TTC8: variants seen among roughly 807,000 people sequenced by gnomAD.
TTC8 encodes tetratricopeptide repeat protein 8.
TTC8 carries 47 observed loss-of-function variants against 72.5 expected under a neutral mutation model. The ratio of observed to expected loss-of-function variants is 0.65; its 90% CI spans 0.51 to 0.83. TTC8 has a LOEUF of 0.83. Among genes scored for constraint, TTC8 ranks in the 40% least tolerant of loss-of-function variants. TTC8 has a pLI of 0.00. For synonymous variants in TTC8, 199 were observed against 221.4 expected, an observed-to-expected ratio of 0.90 and a Z score of 0.90; for missense variants, 611 against 623.2, an observed-to-expected ratio of 0.98 and a Z score of 0.21.
In TTC8 at chr14:88,871,812, G is replaced by A; in HGVS notation, c.1224+89G>A. ...CATGCCTATAATTCCAGCATTTTGG[G>A]AGGCTGAAGCAGGAGGATTGCTTGA... On this transcript the variant is annotated intron_variant, in intron 12 of 14. Transcript: ENST00000380656. The surrounding 1 kb of genome is among the most constrained non-coding windows in gnomAD (Gnocchi z 4.1). 4.8e-6 allele frequency: 7 copies of A among 1,467,600 alleles called. No individual in the cohort carries two copies. Among genetic ancestry groups the A allele is most frequent in the Admixed American group, 1.7e-5 (1 of 59,720 alleles). The allele number at this position is 1,467,600 out of a possible 1,614,324, so 90.9% of individuals were successfully genotyped here.
intron 2 of TTC8, among the ~76,000 whole-genome samples, chr14:88,838,587 A>G (rs922508484): frequency 1.3e-5 from 2 of 152,138 alleles, no homozygotes; most frequent in Admixed American, 1.3e-4. Flanking sequence ...AATCCTCCAC[A>G]GCACACCAAG....
At chr14:88,867,079 G>A (rs1280803842) in intron 10 of TTC8, among the ~76,000 whole-genome samples, 1 of 152,154 alleles carries the variant, frequency 6.6e-6, no homozygotes, top group African/African-American at 2.4e-5. Context: ...GGGTTGCCAA[G>A]GGTGTAGAGA....
At chr14:88,861,112 T>A in intron 9 of TTC8, 110 bp from the exon 10 acceptor site, 1 of 885,150 alleles carries the variant, frequency 1.1e-6, no homozygotes, top group Non-Finnish European at 1.7e-6. Flanking sequence ...CTAAAAATTC[T>A]TTAATGTAAT....
chr14:88,872,487 G>A, intron 13 of TTC8, 35 bp downstream of exon 13: 1 of 1,611,286 alleles, frequency 6.2e-7, no homozygotes, highest in Non-Finnish European at 8.5e-7. Flanking sequence ...TGGGCAGTCT[G>A]CTTTCTTCAG....
At chr14:88,876,068 G>T (rs1036561825) in intron 14 of TTC8, among the ~76,000 whole-genome samples, 5 of 152,156 alleles carry the variant, frequency 3.3e-5, no homozygotes, top group African/African-American at 1.2e-4. Flanking sequence ...AAGGCTTAAA[G>T]AGGTTAAAAG....
At chr14:88,855,793 A>G (rs1348595019) in intron 8 of TTC8, among the ~76,000 whole-genome samples, 1 of 152,178 alleles carries the variant, frequency 6.6e-6, no homozygotes, top group Non-Finnish European at 1.5e-5. Flanking sequence ...TAAGACTTGC[A>G]TGCATGGCCA....
intron 9 of TTC8, 126 bp from the exon 10 acceptor site, chr14:88,861,096 A>AC: frequency 1.3e-6 from 1 of 749,816 alleles, no homozygotes. Flanking sequence ...GAGCCACCAC[A>AC]CCCGGCTAAA....
intron 13 of TTC8, among the ~76,000 whole-genome samples, 162 bp downstream of exon 13, chr14:88,872,614 G>A (rs987340717): frequency 6.6e-6 from 1 of 152,056 alleles, no homozygotes; most frequent in Admixed American, 6.6e-5. Flanking sequence ...TGTGACCTTG[G>A]GACAAGTTAC....
intron 14 of TTC8, among the ~76,000 whole-genome samples, chr14:88,875,949 T>C (rs1455853560): frequency 6.6e-6 from 1 of 152,212 alleles, no homozygotes; most frequent in African/African-American, 2.4e-5. Context: ...TGATGTTCTA[T>C]TTATTGAGCC....
downstream of TTC8, chr14:88,879,650 A>ACAT (rs1021472838): frequency 8.4e-6 from 1 of 119,146 alleles, no homozygotes; most frequent in East Asian, 2.2e-4. Flanking sequence ...ACGTGTCACT[A>ACAT]CATTATTATT....
chr14:88,853,895 C>A lies in TTC8; in HGVS notation c.710+839C>A, dbSNP rs185485814. 2.6e-4 allele frequency among the ~76,000 whole-genome samples: 40 copies of A among 152,044 alleles called. No individual in the cohort carries two copies. The East Asian group carries it at 6.4e-3, about 24-fold the overall frequency. ...CAATTCTATTTTTAAGTATAAATAT[C>A]TTTTATTATTAAAATAGGGTAGACT... On this transcript the variant is annotated intron_variant, in intron 8 of 14. Coordinates refer to ENST00000380656, the MANE Select transcript of TTC8 (RefSeq NM_144596.4).
chr14:88,865,970 T>C lies in TTC8; in HGVS notation c.910-4089T>C, dbSNP rs575815361. Among the ~76,000 whole-genome samples the C allele has an allele frequency of 4.6e-5, 7 of 152,102 alleles. No individual in the cohort carries two copies. The East Asian group carries it at 1.3e-3, about 29-fold the overall frequency. On this transcript the variant is annotated intron_variant, in intron 10 of 14. Coordinates refer to ENST00000380656, the MANE Select transcript of TTC8 (RefSeq NM_144596.4). ...TAGCCTATTAAGCCAATTGCATTAC[T>C]TGGTTATTTAATAAATAGTTTAAAA...
Position 88,871,535 on chromosome 14 carries a change from T to C in TTC8, c.1050-14T>C. 6.2e-7 allele frequency: 1 copy of C among 1,613,320 alleles called. No individual in the cohort carries two copies. The highest frequency in any genetic ancestry group is 8.5e-7 in the Non-Finnish European group (1 of 1,179,964). ...TGGTCTGACACCAAAATTTGTGTGT[T>C]CTTTTTTGAAAAGGCGGCTGCTGCA... is the stretch of plus-strand genomic sequence containing the variant. On this transcript the variant is annotated splice_polypyrimidine_tract_variant and intron_variant, in intron 11 of 14. Transcript: ENST00000380656. This position sits in a 1 kb window ranked among gnomAD's most constrained non-coding sequence, Gnocchi z 4.1.
At chr14:88,845,326 A>G (rs1428456375) in intron 7 of TTC8, among the ~76,000 whole-genome samples, 1 of 152,174 alleles carries the variant, frequency 6.6e-6, no homozygotes, top group East Asian at 1.9e-4. Flanking sequence ...TGGGATAATT[A>G]GGGAAGGAAG....
chr14:88,860,926 C>G (rs1056590318), intron 9 of TTC8, among the ~76,000 whole-genome samples: 7 of 151,900 alleles, frequency 4.6e-5, no homozygotes, highest in African/African-American at 1.7e-4. Flanking sequence ...ATCTCAGCCT[C>G]CCAAGTAGCT....
At chr14:88,846,464 G>A in intron 7 of TTC8, 1 of 523,722 alleles carries the variant, frequency 1.9e-6, no homozygotes, top group Non-Finnish European at 3.4e-6. Flanking sequence ...TGCTTGGGTT[G>A]TTTAAGGAAC....
chr14:88,876,970 A>C (rs773426448), intron 14 of TTC8, among the ~76,000 whole-genome samples: 24 of 152,144 alleles, frequency 1.6e-4, no homozygotes, highest in South Asian at 8.3e-4. Flanking sequence ...TACTATCATC[A>C]GTGACAGGAA....
chr14:88,867,035 G>A (rs1390110050), intron 10 of TTC8, among the ~76,000 whole-genome samples: 1 of 152,136 alleles, frequency 6.6e-6, no homozygotes, highest in African/African-American at 2.4e-5. Flanking sequence ...CACTCAATCA[G>A]ATCAGCAAAG....
At chr14:88,854,446 T>C (rs1292284853) in intron 8 of TTC8, among the ~76,000 whole-genome samples, 2 of 152,178 alleles carry the variant, frequency 1.3e-5, no homozygotes, top group Non-Finnish European at 2.9e-5. Flanking sequence ...TACAAAAGAT[T>C]AGATTGTCCG....
Sources: gnomAD v4.1 joint callset for allele counts (sites outside exome capture counted in the v4.1 genomes callset) on GRCh38, gnomAD v4.1.1 for gene constraint, Gnocchi (gnomAD v3.1) non-coding constraint, MANE v1.5 for transcripts, NCBI Gene and HGNC (gene_info 2026-07-23, HGNC 2026-07-21) for gene names.